The following KATNBL1 variants were observed in gnomAD, a reference collection of about 807,000 sequenced individuals.
KATNBL1 encodes the protein KATNB1-like protein 1.
In KATNBL1, 28 loss-of-function variants were observed where a neutral mutation model predicts 44.7. The ratio of observed to expected loss-of-function variants is 0.63; its 90% confidence interval spans 0.46 to 0.86. The LOEUF (loss-of-function observed/expected upper bound fraction) is 0.86, where lower values mean the gene tolerates loss of function less well. Ranked by LOEUF, KATNBL1 falls within the 40% of genes least tolerant of loss-of-function variation. The pLI, the probability that KATNBL1 is intolerant of heterozygous loss-of-function variation, is 0.00. For missense variants in KATNBL1, 272 were observed against 350.7 expected, an observed-to-expected ratio of 0.78 and a Z score of 1.79; for synonymous variants, 78 against 114.9, an observed-to-expected ratio of 0.68 and a Z score of 2.06.
intron 1 of KATNBL1, among the ~76,000 whole-genome samples, chr15:34,197,567 C>G (rs1890058901): frequency 6.6e-6 from 1 of 152,164 alleles, no homozygotes; most frequent in Non-Finnish European, 1.5e-5. Flanking sequence ...TTGTATGTTT[C>G]TATATGTGCA....
At chr15:34,168,345 C>T (rs535414149) in intron 1 of KATNBL1, among the ~76,000 whole-genome samples, 1 of 152,064 alleles carries the variant, frequency 6.6e-6, no homozygotes, top group Non-Finnish European at 1.5e-5. Flanking sequence ...ACAAAGAAGA[C>T]CATTATATAA....
chr15:34,191,188 T>TATA (rs1331589830), intron 1 of KATNBL1, among the ~76,000 whole-genome samples: 2 of 137,892 alleles, frequency 1.5e-5, no homozygotes, highest in African/African-American at 5.3e-5. Flanking sequence ...TATATATATA[T>TATA]TTGGTAGGGC....
intron 1 of KATNBL1, among the ~76,000 whole-genome samples, chr15:34,205,191 A>G (rs1295995059): frequency 1.3e-5 from 2 of 151,556 alleles, no homozygotes; most frequent in African/African-American, 4.8e-5. Context: ...ACGGGGTTTC[A>G]CTGTGTTGAC....
At chr15:34,157,872 A>G (rs1597432863) in intron 2 of KATNBL1, among the ~76,000 whole-genome samples, 2 of 152,342 alleles carry the variant, frequency 1.3e-5, no homozygotes, top group South Asian at 4.1e-4. Context: ...AATGAGTTCC[A>G]TTATCTGAAT....
intron 9 of KATNBL1, chr15:34,142,927 G>A (rs1203269850): frequency 1.4e-5 from 6 of 434,598 alleles, no homozygotes; most frequent in Non-Finnish European, 2.5e-5. Flanking sequence ...GGCCGGGATG[G>A]TCTCGATCTC....
intron 4 of KATNBL1, 39 bp from the exon 5 acceptor site, chr15:34,148,789 A>G: frequency 8.8e-7 from 1 of 1,133,768 alleles, no homozygotes; most frequent in Non-Finnish European, 1.3e-6. Flanking sequence ...AAGCACACTG[A>G]AACAGGGTAT....
At chr15:34,208,677 G>A (rs771668119) in intron 1 of KATNBL1, 3 of 152,212 alleles carry the variant, frequency 2.0e-5, no homozygotes, top group Non-Finnish European at 2.9e-5. Context: ...TCTTAAAATA[G>A]TCAATGGATT....
chr15:34,183,233 T>C (rs538440004), intron 1 of KATNBL1, among the ~76,000 whole-genome samples: 1 of 152,300 alleles, frequency 6.6e-6, no homozygotes, highest in East Asian at 1.9e-4. Context: ...GGTCTGACCC[T>C]GCAGACTGGG....
chr15:34,206,510 C>T (rs888650746), intron 1 of KATNBL1, among the ~76,000 whole-genome samples: 15 of 152,218 alleles, frequency 9.9e-5, no homozygotes, highest in African/African-American at 2.2e-4. Context: ...AGTCAAATTA[C>T]GCCGGGCATG....
chr15:34,170,734 A>G (rs1027816388), intron 1 of KATNBL1, among the ~76,000 whole-genome samples: 7 of 152,364 alleles, frequency 4.6e-5, no homozygotes, highest in African/African-American at 1.2e-4. Flanking sequence ...TGGTACCAAA[A>G]CAGATATATA....
intron 1 of KATNBL1, among the ~76,000 whole-genome samples, chr15:34,169,342 G>A (rs1051280022): frequency 6.6e-6 from 1 of 152,166 alleles, no homozygotes; most frequent in Non-Finnish European, 1.5e-5. Context: ...AAATCTAGAA[G>A]AAATGGATAA....
intron 1 of KATNBL1, among the ~76,000 whole-genome samples, chr15:34,204,038 AAAG>A (rs1190279749): frequency 3.3e-5 from 5 of 151,860 alleles, no homozygotes; most frequent in East Asian, 3.9e-4. Flanking sequence ...AAAAAAAAAA[AAAG>A]AGCCAGTGTG....
chr15:34,158,620 A>C (rs1051605349), intron 2 of KATNBL1, among the ~76,000 whole-genome samples: 1 of 151,386 alleles, frequency 6.6e-6, no homozygotes, highest in African/African-American at 2.4e-5. Flanking sequence ...TGTTTGCTCC[A>C]ATTTTTTTTT....
At chr15:34,145,799 T>C (rs1187010336) in intron 8 of KATNBL1, 1 of 155,020 alleles carries the variant, frequency 6.5e-6, no homozygotes, top group African/African-American at 2.4e-5. Flanking sequence ...TTAATAAAAT[T>C]TCTTACTTGA....
chr15:34,207,626 CA>C, intron 1 of KATNBL1, among the ~76,000 whole-genome samples: 1 of 216 alleles, frequency 4.6e-3, no homozygotes, highest in South Asian at 0.1. Context: ...AGGTGTGAGC[CA>C]CACCAGTTCT....
intron 9 of KATNBL1, chr15:34,142,942 G>C (rs1234826856): frequency 1.2e-5 from 6 of 494,144 alleles, no homozygotes; most frequent in South Asian, 8.5e-5. Flanking sequence ...GATCTCCTGA[G>C]CTCGTGATCT....
chr15:34,158,446 C>T (rs1333200643), intron 2 of KATNBL1, among the ~76,000 whole-genome samples: 1 of 152,198 alleles, frequency 6.6e-6, no homozygotes, highest in African/African-American at 2.4e-5. Context: ...GAAATGGCAG[C>T]TTGTTTGGCT....
chr15:34,150,113 T>C (rs956431253), intron 4 of KATNBL1, among the ~76,000 whole-genome samples: 4 of 152,204 alleles, frequency 2.6e-5, no homozygotes, highest in Admixed American at 6.5e-5. Flanking sequence ...ATTTAGGTTT[T>C]TAGAGCAGGT....
intron 1 of KATNBL1, among the ~76,000 whole-genome samples, chr15:34,176,543 C>T (rs1461812798): frequency 6.6e-6 from 1 of 151,970 alleles, no homozygotes; most frequent in Non-Finnish European, 1.5e-5. Flanking sequence ...TTGTCTTAGG[C>T]TAGGATGGGA....
Sources: allele counts gnomAD v4.1 joint callset (sites outside exome capture counted in the v4.1 genomes callset), GRCh38; gene constraint gnomAD v4.1.1; transcripts MANE v1.5; gene names NCBI Gene and HGNC (gene_info 2026-07-23, HGNC 2026-07-21).